LIPC: variants seen among roughly 807,000 people sequenced by gnomAD.
LIPC encodes lipase C, hepatic type, also known as hepatic triacylglycerol lipase.
LIPC carries 44 observed loss-of-function variants against 50.7 expected under a neutral mutation model. The observed-to-expected ratio is 0.87, with a 90% confidence interval of 0.68 to 1.11. The LOEUF (loss-of-function observed/expected upper bound fraction) is 1.11. Ranked by LOEUF, LIPC falls within the 50% of genes most tolerant of loss-of-function variation. The probability of loss-of-function intolerance (pLI) is 0.00; values close to 1 mark genes in which losing one functional copy is unlikely to be tolerated. For missense variants in LIPC, 697 were observed against 648.2 expected (o/e 1.08, Z -0.82); for synonymous variants, 271 against 256.4 (o/e 1.06, Z -0.54).
chr15:58,569,290 A>G lies in LIPC; in HGVS notation c.*463A>G, dbSNP rs1297744107. On this transcript the variant is annotated 3_prime_UTR_variant, in exon 9 of 9. Transcript: ENST00000299022. ...TACCAAATACACATCCTTTAAGACA[A>G]TACAGTTCTTAAAAGAAGAAAAATT... 6.6e-6 allele frequency: 1 copy of G among 152,464 alleles called. No homozygotes were observed. Among genetic ancestry groups the G allele is most frequent in the Non-Finnish European group, 1.5e-5 (1 of 68,238 alleles). 9.4% of individuals were successfully genotyped at this position (152,464 alleles called of 1,614,324 possible).
At chr15:58,495,127 G>C (rs1891722283) in intron 1 of LIPC, among the ~76,000 whole-genome samples, 1 of 152,170 alleles carries the variant, frequency 6.6e-6, no homozygotes. Flanking sequence ...CACAGAGCTG[G>C]TCAAGCAAGA....
chr15:58,536,837 A>G (rs1255242155), intron 1 of LIPC, among the ~76,000 whole-genome samples: 1 of 152,238 alleles, frequency 6.6e-6, no homozygotes, highest in Non-Finnish European at 1.5e-5. Flanking sequence ...GAGAATTAAT[A>G]ACCTTTTGAG....
At chr15:58,497,348 A>G (rs919035823) in intron 1 of LIPC, among the ~76,000 whole-genome samples, 12 of 152,114 alleles carry the variant, frequency 7.9e-5, no homozygotes, top group African/African-American at 2.9e-4. Flanking sequence ...TCAGGAATGG[A>G]TGGGGAAGTG....
intron 1 of LIPC, among the ~76,000 whole-genome samples, chr15:58,453,640 C>T (rs1198096675): frequency 1.3e-5 from 2 of 152,120 alleles, no homozygotes; most frequent in East Asian, 3.9e-4. Context: ...GTGGCTTATG[C>T]CTGTAATCCC....
intron 7 of LIPC, 29 bp from the exon 8 acceptor site, chr15:58,563,476 T>C: frequency 6.4e-7 from 1 of 1,557,372 alleles, no homozygotes; most frequent in Non-Finnish European, 8.9e-7. Context: ...ACTAAACTGA[T>C]TGTGTCTGAT....
intron 1 of LIPC, among the ~76,000 whole-genome samples, chr15:58,461,749 C>G (rs961321055): frequency 2.0e-5 from 3 of 152,080 alleles, no homozygotes; most frequent in Non-Finnish European, 4.4e-5. Context: ...GCAACTCTGC[C>G]TCCTATCTAT....
At chr15:58,542,111 T>G in intron 3 of LIPC, 144 bp downstream of exon 3, 1 of 1,008,788 alleles carries the variant, frequency 9.9e-7, no homozygotes, top group Non-Finnish European at 1.5e-6. Context: ...GGCACAGGAC[T>G]GACACCAGAC....
chr15:58,520,908 T>C (rs1668876466), intron 1 of LIPC, among the ~76,000 whole-genome samples: 1 of 152,130 alleles, frequency 6.6e-6, no homozygotes, highest in African/African-American at 2.4e-5. Flanking sequence ...TCAAAATAAA[T>C]GAGGAATTCT....
intron 1 of LIPC, chr15:58,456,321 G>A (rs1385656915): frequency 6.6e-6 from 1 of 152,228 alleles, no homozygotes; most frequent in Admixed American, 6.5e-5. Flanking sequence ...AGAAGAAAAT[G>A]CACTTAAATA....
At chr15:58,527,372 G>A (rs1380635413) in intron 1 of LIPC, among the ~76,000 whole-genome samples, 1 of 152,186 alleles carries the variant, frequency 6.6e-6, no homozygotes, top group Non-Finnish European at 1.5e-5. Flanking sequence ...AAGCTGAAGG[G>A]CACAGGGTGC....
At chr15:58,469,245 T>C (rs1894695992) in intron 1 of LIPC, among the ~76,000 whole-genome samples, 1 of 151,802 alleles carries the variant, frequency 6.6e-6, no homozygotes, top group Admixed American at 6.6e-5. Context: ...GTAATCCTCC[T>C]GCCTCAGCCT....
chr15:58,520,273 C>A (rs571886389), intron 1 of LIPC, among the ~76,000 whole-genome samples: 99 of 152,112 alleles, frequency 6.5e-4, no homozygotes, highest in African/African-American at 2.3e-3. Context: ...ACAAGGTGGG[C>A]GGGCAGTCAG....
intron 1 of LIPC, among the ~76,000 whole-genome samples, chr15:58,461,017 GA>G (rs1455327320): frequency 6.6e-6 from 1 of 152,170 alleles, no homozygotes; most frequent in African/African-American, 2.4e-5. Flanking sequence ...GAGGAAGGAA[GA>G]AAGCCACCAA....
chr15:58,528,384 G>T (rs774287662), intron 1 of LIPC, among the ~76,000 whole-genome samples: 2 of 152,140 alleles, frequency 1.3e-5, no homozygotes, highest in African/African-American at 4.8e-5. Context: ...AATCCTATAA[G>T]GTAGGTACTA....
At chr15:58,521,101 C>T (rs997848457) in intron 1 of LIPC, among the ~76,000 whole-genome samples, 1 of 152,104 alleles carries the variant, frequency 6.6e-6, no homozygotes, top group African/African-American at 2.4e-5. Flanking sequence ...GTGTTGCTGG[C>T]CAGTGGCTCC....
intron 1 of LIPC, among the ~76,000 whole-genome samples, chr15:58,489,183 C>T (rs1430884437): frequency 7.9e-6 from 1 of 126,282 alleles, no homozygotes. Context: ...TTTCTGCTGG[C>T]CTGAAATTCA....
chr15:58,531,660 G>C (rs1245653118), intron 1 of LIPC, among the ~76,000 whole-genome samples: 1 of 96,144 alleles, frequency 1.0e-5, no homozygotes, highest in South Asian at 3.3e-4. Flanking sequence ...GAATAAATCA[G>C]ACATGAAAAT....
intron 6 of LIPC, among the ~76,000 whole-genome samples, chr15:58,553,434 A>G (rs1893829363): frequency 6.6e-6 from 1 of 152,162 alleles, no homozygotes; most frequent in Non-Finnish European, 1.5e-5. Context: ...CATCTCTACA[A>G]AAGAATTAAA....
chr15:58,471,240 G>A lies in LIPC; in HGVS notation c.88+39120G>A, dbSNP rs189056675. ...CAACCTCTACCTCCCAGATTCAAGCGATTCTCCTACCTCAGCCTCCCGAGT... is the reference window on the plus strand; with the variant it reads ...CAACCTCTACCTCCCAGATTCAAGCAATTCTCCTACCTCAGCCTCCCGAGT... On this transcript the variant is annotated intron_variant, in intron 1 of 8. Transcript: ENST00000299022. Among the ~76,000 whole-genome samples, 187 of 141,888 alleles carry A rather than the reference G, an allele frequency of 1.3e-3. No homozygotes were observed. In the East Asian group the frequency reaches 0.019, roughly 15 times the overall value. 93.1% of individuals were successfully genotyped at this position (141,888 alleles called of 152,430 possible).
Sources: allele counts gnomAD v4.1 joint callset (sites outside exome capture counted in the v4.1 genomes callset), GRCh38; gene constraint gnomAD v4.1.1; transcripts MANE v1.5; gene names NCBI Gene and HGNC (gene_info 2026-07-23, HGNC 2026-07-21).